GRID1: variants seen among roughly 807,000 people sequenced by gnomAD.
The protein encoded by GRID1 is glutamate receptor ionotropic, delta-1.
Under a neutral mutation model 98.0 loss-of-function variants are expected in GRID1, and 28 were observed. The observed-to-expected ratio is 0.29, with a 90% confidence interval of 0.21 to 0.39. The LOEUF is 0.39. Among genes scored for constraint, GRID1 ranks in the 10% least tolerant of loss-of-function variants. The pLI is 1.00. For missense variants in GRID1, 1,111 were observed against 1,340.5 expected, an observed-to-expected ratio of 0.83 and a Z score of 2.67; for synonymous variants, 553 against 538.5, an observed-to-expected ratio of 1.03 and a Z score of -0.37.
chr10:85,876,105 T>G (rs1019514930), intron 5 of GRID1, among the ~76,000 whole-genome samples: 1 of 152,248 alleles, frequency 6.6e-6, no homozygotes. Flanking sequence ...TAGCTTCCAC[T>G]GCTGTCCAGT....
chr10:86,114,565 T>C (rs534532802), intron 4 of GRID1, among the ~76,000 whole-genome samples: 1 of 152,212 alleles, frequency 6.6e-6, no homozygotes, highest in African/African-American at 2.4e-5. Context: ...CAGCCTGCAT[T>C]CTTGACAGCT....
chr10:85,722,868 C>A (rs554924180), intron 12 of GRID1, 135 bp downstream of exon 12: 45 of 491,822 alleles, frequency 9.1e-5, no homozygotes, highest in African/African-American at 8.3e-4. Flanking sequence ...CTTCTCCATG[C>A]ACTAAAGATT....
At chr10:85,909,934 C>T (rs1410763676) in intron 5 of GRID1, among the ~76,000 whole-genome samples, 1 of 152,110 alleles carries the variant, frequency 6.6e-6, no homozygotes, top group Non-Finnish European at 1.5e-5. Flanking sequence ...AAAGCTGTTA[C>T]TTTTTCAGTA....
chr10:85,934,994 AG>A (rs1841907357), intron 4 of GRID1, among the ~76,000 whole-genome samples: 1 of 152,262 alleles, frequency 6.6e-6, no homozygotes, highest in African/African-American at 2.4e-5. Flanking sequence ...ATGGAAAAAA[AG>A]ACCAGGTATA....
chr10:85,630,802 A>G (rs1193922610), intron 13 of GRID1, among the ~76,000 whole-genome samples: 1 of 152,216 alleles, frequency 6.6e-6, no homozygotes, highest in African/African-American at 2.4e-5. Flanking sequence ...CCAAAATGCT[A>G]TGTTTTAATA....
chr10:85,904,166 C>T lies in GRID1; in HGVS notation c.780+12020G>A, dbSNP rs189245380. On this transcript the variant is annotated intron_variant, in intron 5 of 15. Transcript: ENST00000327946. ...ATTAAATAAGATAATAAAGATGATG[C>T]CTATAATTAACCAAGATGGAGTAAC... 1.6e-3 allele frequency among the ~76,000 whole-genome samples: 245 copies of T among 152,258 alleles called. 6 individuals carry two copies. The highest frequency in any genetic ancestry group is 9.9e-3 in the Admixed American group (152 of 15,298).
chr10:85,761,646 G>A (rs1842148322), intron 8 of GRID1, among the ~76,000 whole-genome samples: 2 of 152,198 alleles, frequency 1.3e-5, no homozygotes, highest in South Asian at 4.1e-4. Context: ...AACGGTGCTA[G>A]CCAGCTTAAG....
intron 4 of GRID1, among the ~76,000 whole-genome samples, chr10:85,941,657 T>C (rs899739393): frequency 1.3e-5 from 2 of 152,216 alleles, no homozygotes; most frequent in African/African-American, 2.4e-5. Context: ...GGGAACAGCT[T>C]GTTATGAATT....
intron 8 of GRID1, among the ~76,000 whole-genome samples, chr10:85,781,870 A>G (rs778399610): frequency 2.0e-5 from 3 of 152,006 alleles, no homozygotes; most frequent in Non-Finnish European, 2.9e-5. Context: ...GCCTGGATTT[A>G]TACACAAAAA....
intron 5 of GRID1, among the ~76,000 whole-genome samples, chr10:85,915,412 TACATACACTCA>T (rs1841601277): frequency 6.6e-6 from 1 of 151,528 alleles, no homozygotes; most frequent in Non-Finnish European, 1.5e-5. Context: ...CACACCCCTG[TACATACACTCA>T]ACACATTCAA....
intron 2 of GRID1, among the ~76,000 whole-genome samples, chr10:86,330,031 C>T (rs1180179191): frequency 2.0e-5 from 3 of 152,262 alleles, no homozygotes; most frequent in Admixed American, 6.5e-5. Flanking sequence ...CTTTCCTCCC[C>T]TCATTGCCTC....
intron 4 of GRID1, among the ~76,000 whole-genome samples, chr10:86,066,623 A>C (rs1485191792): frequency 6.6e-6 from 1 of 152,200 alleles, no homozygotes; most frequent in Non-Finnish European, 1.5e-5. Context: ...ATCAGCTGCA[A>C]AACTGGGTCC....
intron 4 of GRID1, among the ~76,000 whole-genome samples, chr10:86,085,041 C>A (rs992729398): frequency 6.6e-6 from 1 of 152,260 alleles, no homozygotes; most frequent in Non-Finnish European, 1.5e-5. Flanking sequence ...TTTACCAATA[C>A]GCATGCAATG....
chr10:85,670,942 C>T (rs1259864468), intron 12 of GRID1, among the ~76,000 whole-genome samples: 1 of 152,176 alleles, frequency 6.6e-6, no homozygotes, highest in East Asian at 1.9e-4. Context: ...CTCCAGGATG[C>T]CAAAACAGAA....
At position 86,195,896 on chromosome 10, in the gene GRID1, A is replaced by C. The variant is rs1002328957; in HGVS notation, c.520+10468T>G. Among the ~76,000 whole-genome samples the C allele has an allele frequency of 6.6e-6, 1 of 152,100 alleles. No homozygotes were observed. The highest frequency in any genetic ancestry group is 1.5e-5 in the Non-Finnish European group (1 of 67,984). On this transcript the variant is annotated intron_variant, in intron 3 of 15. Coordinates refer to ENST00000327946, the MANE Select transcript of GRID1 (RefSeq NM_017551.3). This position sits in a 1 kb window ranked among gnomAD's most constrained non-coding sequence, Gnocchi z 4.4. ...AGTCACACAAGATACAGGCAATTTC[A>C]TCCTTTTAACATTCCAGAGCAATGC...
chr10:85,682,966 G>A (rs548660075), intron 12 of GRID1, among the ~76,000 whole-genome samples: 99 of 152,350 alleles, frequency 6.5e-4, no homozygotes, highest in African/African-American at 2.1e-3. Context: ...CACTTTCCAA[G>A]GATGTGAAGA....
At chr10:85,971,977 G>A (rs771546475) in intron 4 of GRID1, among the ~76,000 whole-genome samples, 23 of 152,094 alleles carry the variant, frequency 1.5e-4, no homozygotes, top group African/African-American at 4.8e-4. Context: ...ATAAATGACC[G>A]TATATTCTTA....
intron 12 of GRID1, among the ~76,000 whole-genome samples, chr10:85,710,160 T>G (rs1006396422): frequency 5.9e-5 from 9 of 152,020 alleles, no homozygotes; most frequent in African/African-American, 2.2e-4. Context: ...GACCCCCAAA[T>G]AGCCAAAACG....
chr10:85,728,003 C>T lies in GRID1; in HGVS notation c.1385G>A (p.Arg462His), dbSNP rs149107262. The change falls in exon 10 of 16, where the codon CGC (arginine) becomes CAC (histidine). Residue 462 changes from arginine to histidine, a missense_variant. Arg to His is a conservative substitution (Grantham distance 29). Coordinates refer to ENST00000327946, the MANE Select transcript of GRID1 (RefSeq NM_017551.3). ...VAENILGQPK[R>H]YKGFSIDVLD... ...GACATCTATGGAGAACCCTTTGTAG[C>T]GCTTGGGCTGTCCTAGGATGTTCTC... 8.6e-5 allele frequency: 138 copies of T among 1,613,718 alleles called. No homozygotes were observed. Among genetic ancestry groups the T allele is most frequent in the Middle Eastern group, 1.6e-4 (1 of 6,084 alleles).
Sources: gnomAD v4.1 joint callset for allele counts (sites outside exome capture counted in the v4.1 genomes callset) on GRCh38, gnomAD v4.1.1 for gene constraint, Gnocchi (gnomAD v3.1) non-coding constraint, MANE v1.5 for transcripts, NCBI Gene and HGNC (gene_info 2026-07-23, HGNC 2026-07-21) for gene names.